Variants in E2F5 observed in about 807,000 individuals in gnomAD.
E2F5 encodes the protein E2F transcription factor 5, also known as transcription factor E2F5.
E2F5 carries 23 observed loss-of-function variants against 39.1 expected under a neutral mutation model. That is an observed-to-expected ratio of 0.59 (90% CI 0.42 to 0.83). The LOEUF (loss-of-function observed/expected upper bound fraction) is 0.83, where lower values mean the gene tolerates loss of function less well. Ranked by LOEUF, E2F5 falls within the 40% of genes least tolerant of loss-of-function variation. The pLI, the probability that E2F5 is intolerant of heterozygous loss-of-function variation, is 0.00. For synonymous variants in E2F5, 145 were observed against 157.8 expected (o/e 0.92, Z 0.61); for missense variants, 365 against 406.7 (o/e 0.90, Z 0.88).
At chr8:85,180,506 CTATACATATATATATA>C (rs1476804745) in intron 1 of E2F5, among the ~76,000 whole-genome samples, 5 of 62,512 alleles carry the variant, frequency 8.0e-5, no homozygotes, top group Admixed American at 2.5e-4. Context: ...GTTAAAGAAA[CTATACATATATATATA>C]TATATATATA....
intron 1 of E2F5, chr8:85,177,890 G>T (rs1009107441): frequency 1.6e-6 from 1 of 633,302 alleles, no homozygotes; most frequent in Non-Finnish European, 2.1e-6. Flanking sequence ...CCGGCGCCAC[G>T]CTGGGCTCTC....
At chr8:85,204,240 A>G (rs962770813) in intron 3 of E2F5, among the ~76,000 whole-genome samples, 5 of 151,966 alleles carry the variant, frequency 3.3e-5, no homozygotes, top group Admixed American at 1.3e-4. Flanking sequence ...GGCCATTCCC[A>G]TTGCCCCAAC....
At chr8:85,213,668 A>G in intron 7 of E2F5, 85 bp from the exon 8 acceptor site, 1 of 675,896 alleles carries the variant, frequency 1.5e-6, no homozygotes, top group African/African-American at 1.8e-5. Context: ...TTAATTTGGA[A>G]TGATGTATTT....
chr8:85,202,091 G>T, intron 1 of E2F5, 56 bp from the exon 2 acceptor site: 3 of 1,414,154 alleles, frequency 2.1e-6, no homozygotes, highest in African/African-American at 2.9e-5. Flanking sequence ...ACCCTTTTTG[G>T]CTTTAAAATA....
chr8:85,210,973 A>G (rs1812903865), intron 6 of E2F5, among the ~76,000 whole-genome samples: 1 of 152,196 alleles, frequency 6.6e-6, no homozygotes, highest in African/African-American at 2.4e-5. Flanking sequence ...ATAATTAGCT[A>G]TAATGGTGCA....
At chr8:85,186,598 A>G (rs915457408) in intron 1 of E2F5, among the ~76,000 whole-genome samples, 7 of 148,180 alleles carry the variant, frequency 4.7e-5, no homozygotes, top group African/African-American at 1.5e-4. Context: ...TGATATATAT[A>G]AAGTATATAT....
chr8:85,178,010 C>A (rs1812124081), intron 1 of E2F5: 1 of 159,252 alleles, frequency 6.3e-6, no homozygotes, highest in African/African-American at 2.4e-5. Context: ...GGCAGAGGCT[C>A]ACGGGGTAAC....
chr8:85,178,436 G>A (rs920714405), intron 1 of E2F5, among the ~76,000 whole-genome samples: 9 of 152,150 alleles, frequency 5.9e-5, no homozygotes, highest in African/African-American at 2.4e-5. Flanking sequence ...TCAAACAGGA[G>A]CAGGCATCAA....
At chr8:85,189,729 C>T (rs1432602833) in intron 1 of E2F5, among the ~76,000 whole-genome samples, 1 of 152,154 alleles carries the variant, frequency 6.6e-6, no homozygotes, top group East Asian at 1.9e-4. Flanking sequence ...TGTCACATTA[C>T]CCAGAATTAA....
At chr8:85,186,100 G>T (rs1329595236) in intron 1 of E2F5, among the ~76,000 whole-genome samples, 1 of 152,100 alleles carries the variant, frequency 6.6e-6, no homozygotes, top group Non-Finnish European at 1.5e-5. Context: ...CAAAGACTTG[G>T]AACCAACCCA....
intron 1 of E2F5, 24 bp from the exon 2 acceptor site, chr8:85,202,123 G>C (rs1304674545): frequency 6.3e-7 from 1 of 1,587,668 alleles, no homozygotes; most frequent in African/African-American, 1.3e-5. Flanking sequence ...TTATTTCACT[G>C]TTCTCGTTGT....
At chr8:85,191,990 A>T (rs1287861139) in intron 1 of E2F5, among the ~76,000 whole-genome samples, 2 of 152,122 alleles carry the variant, frequency 1.3e-5, no homozygotes. Context: ...TGTGAAGAGA[A>T]TATTGGATTG....
chr8:85,210,000 T>G (rs1812882405), intron 6 of E2F5, among the ~76,000 whole-genome samples: 1 of 152,234 alleles, frequency 6.6e-6, no homozygotes, highest in Admixed American at 6.5e-5. Context: ...GTTTCATTTA[T>G]GAAATTTTAA....
chr8:85,181,656 T>G (rs1214124742), intron 1 of E2F5, among the ~76,000 whole-genome samples: 1 of 141,852 alleles, frequency 7.0e-6, no homozygotes, highest in Non-Finnish European at 1.5e-5. Flanking sequence ...CTTAATAATA[T>G]AACTAATTGA....
At chr8:85,181,394 G>A (rs1252524123) in intron 1 of E2F5, among the ~76,000 whole-genome samples, 3 of 151,162 alleles carry the variant, frequency 2.0e-5, no homozygotes, top group African/African-American at 7.3e-5. Context: ...GCAGTGTCGC[G>A]ATCTCCACTC....
chr8:85,180,557 GT>G (rs1812188018), intron 1 of E2F5, among the ~76,000 whole-genome samples: 1 of 54,954 alleles, frequency 1.8e-5, no homozygotes, highest in Non-Finnish European at 3.6e-5. Flanking sequence ...TATATATATG[GT>G]TTTTTGGTTG....
Position 85,177,293 on chromosome 8 carries a change from A to T in E2F5, c.-128A>T. On this transcript the variant is annotated 5_prime_UTR_variant, in exon 1 of 8. Transcript: ENST00000416274. ...CGCACACCTGTTGTTTGCAGCAGCC[A>T]GCGACCCGCACTACCGCTCTCGGCG... 1 of 803,724 alleles carries T rather than the reference A, an allele frequency of 1.2e-6. No individual in the cohort carries two copies. Among genetic ancestry groups the T allele is most frequent in the East Asian group, 1.3e-4 (1 of 7,894 alleles). 49.8% of individuals were successfully genotyped at this position (803,724 alleles called of 1,614,324 possible).
intron 1 of E2F5, among the ~76,000 whole-genome samples, chr8:85,193,899 T>C (rs1215773577): frequency 6.6e-6 from 1 of 152,224 alleles, no homozygotes; most frequent in Non-Finnish European, 1.5e-5. Flanking sequence ...ATGTATAGTT[T>C]TGGTTGTTAT....
intron 1 of E2F5, among the ~76,000 whole-genome samples, chr8:85,199,787 G>T (rs1463260563): frequency 6.6e-6 from 1 of 152,170 alleles, no homozygotes; most frequent in Non-Finnish European, 1.5e-5. Flanking sequence ...AGACATTGCG[G>T]TAAGATTATC....
Sources: gnomAD v4.1 joint callset for allele counts (sites outside exome capture counted in the v4.1 genomes callset) on GRCh38, gnomAD v4.1.1 for gene constraint, MANE v1.5 for transcripts, NCBI Gene and HGNC (gene_info 2026-07-23, HGNC 2026-07-21) for gene names.